Variants in EXOC2 observed in about 807,000 individuals in gnomAD.
The protein encoded by EXOC2 is SEC5-like 1.
In EXOC2, 70 loss-of-function variants were observed where a neutral mutation model predicts 131.8. The observed-to-expected ratio is 0.53, with a 90% CI of 0.44 to 0.65. The LOEUF (loss-of-function observed/expected upper bound fraction) is 0.65, where lower values mean the gene tolerates loss of function less well. EXOC2 is among the 30% of genes least tolerant of loss of function. The pLI, the probability that EXOC2 is intolerant of heterozygous loss-of-function variation, is 0.00. For synonymous variants in EXOC2, 411 were observed against 398.4 expected (o/e 1.03, Z -0.38); for missense variants, 923 against 1,108.6 (o/e 0.83, Z 2.38).
At chr6:491,318 C>T in intron 25 of EXOC2, 132 bp from the exon 26 acceptor site, 1 of 802,544 alleles carries the variant, frequency 1.2e-6, no homozygotes, top group Non-Finnish European at 2.1e-6. Context: ...TGGTGACCGC[C>T]AGTCATGAGT....
chr6:548,489 T>C (rs142212068), intron 22 of EXOC2, among the ~76,000 whole-genome samples: 1 of 152,344 alleles, frequency 6.6e-6, no homozygotes, highest in East Asian at 1.9e-4. Context: ...ATTTTTTCCT[T>C]TTCTGCTTAG....
chr6:596,512 C>T (rs1457319557), intron 10 of EXOC2, among the ~76,000 whole-genome samples: 1 of 150,378 alleles, frequency 6.6e-6, no homozygotes, highest in East Asian at 1.9e-4. Flanking sequence ...GGTCTACAGG[C>T]ATGCATCCCC....
chr6:673,034 C>T (rs767941393), intron 1 of EXOC2, among the ~76,000 whole-genome samples: 4 of 151,830 alleles, frequency 2.6e-5, no homozygotes, highest in Non-Finnish European at 2.9e-5. Context: ...CCAAGGCGGG[C>T]AGATCACTTG....
At chr6:681,040 C>A (rs1182961109) in intron 1 of EXOC2, among the ~76,000 whole-genome samples, 2 of 152,230 alleles carry the variant, frequency 1.3e-5, no homozygotes, top group African/African-American at 4.8e-5. Context: ...AGAGGGGTGT[C>A]AGCTAGATTT....
intron 2 of EXOC2, among the ~76,000 whole-genome samples, chr6:637,166 A>G (rs906885708): frequency 1.3e-5 from 2 of 152,044 alleles, no homozygotes; most frequent in Non-Finnish European, 2.9e-5. Flanking sequence ...AAAAACATAA[A>G]CTGCCCCTAA....
At chr6:524,319 A>AC (rs1173691814) in intron 23 of EXOC2, 3 of 152,176 alleles carry the variant, frequency 2.0e-5, no homozygotes, top group Non-Finnish European at 4.4e-5. Context: ...CTATGTAAGA[A>AC]ACCTGCACGC....
chr6:496,136 C>T (rs921196447), intron 25 of EXOC2, among the ~76,000 whole-genome samples: 19 of 152,076 alleles, frequency 1.2e-4, no homozygotes, highest in African/African-American at 4.3e-4. Flanking sequence ...CATCTGATGC[C>T]GCTGTGTTAA....
At chr6:605,856 T>C (rs1760381771) in intron 7 of EXOC2, among the ~76,000 whole-genome samples, 1 of 152,254 alleles carries the variant, frequency 6.6e-6, no homozygotes, top group South Asian at 2.1e-4. Context: ...TAAATTTCCC[T>C]CTACACACTG....
At chr6:487,139 C>T (rs1289407533) in intron 27 of EXOC2, among the ~76,000 whole-genome samples, 1 of 152,118 alleles carries the variant, frequency 6.6e-6, no homozygotes, top group Non-Finnish European at 1.5e-5. Context: ...AAAGCCATAC[C>T]GGAGTGTAAC....
At chr6:627,856 AACTT>A (rs1470993123) in intron 4 of EXOC2, among the ~76,000 whole-genome samples, 2 of 152,162 alleles carry the variant, frequency 1.3e-5, no homozygotes, top group East Asian at 3.8e-4. Context: ...ATATTTCTGA[AACTT>A]AAGTAACAAT....
rs760912082 is a variant in EXOC2, at chr6:656,518, G to A, written c.-43-18657C>T. ...CGCAGGCTGGGCGGCAGGCAGTCCC[G>A]CCACACTCTCCTGGGAAGCACCCGC... is the stretch of plus-strand genomic sequence containing the variant. On this transcript the variant is annotated intron_variant, in intron 1 of 27. Coordinates refer to ENST00000230449, the MANE Select transcript of EXOC2 (RefSeq NM_018303.6). 6 of 1,605,258 alleles carry A rather than the reference G, an allele frequency of 3.7e-6. No homozygotes were observed. In the African/African-American group the frequency reaches 5.3e-5, roughly 14 times the overall value.
chr6:579,373 T>C (rs1287510816), intron 11 of EXOC2, among the ~76,000 whole-genome samples: 1 of 152,236 alleles, frequency 6.6e-6, no homozygotes, highest in African/African-American at 2.4e-5. Flanking sequence ...ATCAGTTTTC[T>C]ATATCAGGAA....
At chr6:560,008 G>A (rs1024927399) in intron 17 of EXOC2, among the ~76,000 whole-genome samples, 1 of 152,212 alleles carries the variant, frequency 6.6e-6, no homozygotes, top group Non-Finnish European at 1.5e-5. Flanking sequence ...TCAGTGGATG[G>A]TGGCCCAATG....
chr6:638,772 AT>A (rs1469250708), intron 1 of EXOC2, among the ~76,000 whole-genome samples: 1 of 152,102 alleles, frequency 6.6e-6, no homozygotes, highest in Non-Finnish European at 1.5e-5. Context: ...TTTACTAAAA[AT>A]ACAAAAATTA....
At chr6:616,455 T>C (rs1262025621) in intron 6 of EXOC2, among the ~76,000 whole-genome samples, 1 of 150,660 alleles carries the variant, frequency 6.6e-6, no homozygotes, top group Non-Finnish European at 1.5e-5. Context: ...TACAAAAAAT[T>C]AGCCGGGCGC....
At chr6:587,239 G>C (rs920948383) in intron 11 of EXOC2, among the ~76,000 whole-genome samples, 2 of 150,142 alleles carry the variant, frequency 1.3e-5, no homozygotes, top group African/African-American at 5.0e-5. Context: ...TGTAAATGTA[G>C]ATATGTGTAT....
intron 6 of EXOC2, among the ~76,000 whole-genome samples, chr6:613,866 A>G (rs576228602): frequency 1.3e-5 from 2 of 152,244 alleles, no homozygotes; most frequent in East Asian, 3.9e-4. Flanking sequence ...ATGTACCCTA[A>G]AACTTAAAGT....
chr6:678,588 T>C (rs1232626475), intron 1 of EXOC2, among the ~76,000 whole-genome samples: 1 of 152,216 alleles, frequency 6.6e-6, no homozygotes, highest in African/African-American at 2.4e-5. Context: ...AGAAACATTC[T>C]AAGATTTGTG....
chr6:580,338 C>T (rs1747446666), intron 11 of EXOC2, among the ~76,000 whole-genome samples: 1 of 152,112 alleles, frequency 6.6e-6, no homozygotes, highest in South Asian at 2.1e-4. Flanking sequence ...CCGTGTCCAG[C>T]CCTGGGTGCA....
Sources: gnomAD v4.1 joint callset for allele counts (sites outside exome capture counted in the v4.1 genomes callset) on GRCh38, gnomAD v4.1.1 for gene constraint, MANE v1.5 for transcripts, NCBI Gene and HGNC (gene_info 2026-07-23, HGNC 2026-07-21) for gene names.